The following EN1 variants were observed in gnomAD, a reference collection of about 807,000 sequenced individuals.
EN1 encodes the protein homeobox protein engrailed-1.
A neutral mutation model predicts 22.9 loss-of-function variants in EN1; 8 were observed. The observed-to-expected ratio is 0.35, with a 90% CI of 0.20 to 0.63. The LOEUF (loss-of-function observed/expected upper bound fraction) is 0.63, where lower values mean the gene tolerates loss of function less well. EN1 is among the 20% of genes least tolerant of loss of function. The pLI, the probability that EN1 is intolerant of heterozygous loss-of-function variation, is 0.73. For missense variants in EN1, 521 were observed against 572.1 expected (o/e 0.91, Z 0.91); for synonymous variants, 287 against 262.5 (o/e 1.09, Z -0.90).
At position 118,846,708 on chromosome 2, in the gene EN1, C is replaced by G. The variant is rs747324353; in HGVS notation, c.460G>C (p.Asp154His). The part of the protein sequence containing the change: ...RDRGQTAAGR[D>H]PVHPLGTRAP... ...CGGGTGCCCAACGGGTGGACAGGGT[C>G]TCTACCTGCGGCAGTCTGGCCTCTG... is the stretch of plus-strand genomic sequence containing the variant. The change falls in exon 1 of 2, where the codon GAC (aspartate) becomes CAC (histidine). Residue 154 changes from aspartate to histidine, a missense_variant. Transcript: ENST00000295206. This position sits in a 1 kb window ranked among gnomAD's most constrained non-coding sequence, Gnocchi z 5.0. 1.3e-6 allele frequency: 2 copies of G among 1,591,306 alleles called. No individual in the cohort carries two copies. Among genetic ancestry groups the G allele is most frequent in the South Asian group, 1.1e-5 (1 of 89,604 alleles).
rs1353779175 is a variant in EN1, at chr2:118,846,682, C to T, written c.486G>A (p.Arg162=). ...GRDPVHPLGT[R]APGAASLLCA... ...ACAGGAGCGAGGCAGCGCCTGGCGC[C>T]CGGGTGCCCAACGGGTGGACAGGGT... Residue 162 remains arginine (R), a synonymous_variant, in exon 1 of 2, where the codon CGG becomes CGA. Transcript: ENST00000295206. This position sits in a 1 kb window ranked among gnomAD's most constrained non-coding sequence, Gnocchi z 5.0. 6.3e-7 allele frequency: 1 copy of T among 1,582,362 alleles called. No homozygotes were observed. Among genetic ancestry groups the T allele is most frequent in the Non-Finnish European group, 8.5e-7 (1 of 1,173,130 alleles).
chr2:118,843,463 G>T (rs1678223761), intron 1 of EN1, among the ~76,000 whole-genome samples: 1 of 152,166 alleles, frequency 6.6e-6, no homozygotes, highest in African/African-American at 2.4e-5. Flanking sequence ...CCAGACCACT[G>T]GGGTCCCCGG....
rs1465851665 is a variant in EN1, at chr2:118,847,625, C to T, written c.-458G>A. On this transcript the variant is annotated 5_prime_UTR_variant, in exon 1 of 2. Transcript: ENST00000295206. ...GCAGTAGTGAGGGGTTTGACTTCCC[C>T]GAGTGTCACGCTCAGCTGTGCCCAG... 3.9e-5 allele frequency: 6 copies of T among 151,954 alleles called. No individual in the cohort carries two copies. Among genetic ancestry groups the T allele is most frequent in the Non-Finnish European group, 8.8e-5 (6 of 68,158 alleles). 9.4% of individuals were successfully genotyped at this position (151,954 alleles called of 1,614,324 possible).
At chr2:118,845,710 G>A (rs1332218840) in intron 1 of EN1, among the ~76,000 whole-genome samples, 1 of 152,152 alleles carries the variant, frequency 6.6e-6, no homozygotes, top group South Asian at 2.1e-4. Context: ...CTACCCACCC[G>A]GGTCAGACTC....
In EN1 at chr2:118,847,151, G is replaced by C. The variant is rs1308232237; in HGVS notation, c.17C>G (p.Pro6Arg). Residue 6 changes from proline to arginine, a missense_variant, in exon 1 of 2, where the codon CCG (proline) becomes CGG (arginine). By Grantham distance (103) the Pro-to-Arg change is moderately radical. This residue lies in a region of EN1 where 436 missense variants were observed against 410.1 expected (regional missense o/e 1.06). Transcript: ENST00000295206. MEEQQPEPKSQRDSAL... is the reference protein window; with the variant it reads MEEQQREPKSQRDSAL... ...CGAGTCGCGCTGACTTTTAGGTTCC[G>C]GCTGCTGTTCTTCCATGCTCGGCCG... 2 of 1,169,336 alleles carry C rather than the reference G, an allele frequency of 1.7e-6. No individual in the cohort carries two copies. The highest frequency in any genetic ancestry group is 1.2e-6 in the Non-Finnish European group (1 of 863,036). 72.4% of individuals were successfully genotyped at this position (1,169,336 alleles called of 1,614,324 possible).
Position 118,847,085 on chromosome 2 carries a change from C to A in EN1, c.83G>T (p.Ser28Ile). Reference sequence around the variant, plus strand: ...GCTGGCGCCCGGACTGAGGCTCAGGCTGAGGCCGCCCGGAGTCGCCGCCGC... The same window carrying A: ...GCTGGCGCCCGGACTGAGGCTCAGGATGAGGCCGCCCGGAGTCGCCGCCGC... ...AAAAATPGGLSLSLSPGASGS... is the reference protein window; with the variant it reads ...AAAAATPGGLILSLSPGASGS... The change falls in exon 1 of 2, where the codon AGC becomes ATC. Residue 28 changes from serine (S) to isoleucine (I), a missense_variant. Around this residue, in one of 3 missense-constraint regions of EN1, gnomAD observed 436 missense variants for 410.1 expected, o/e 1.06. Transcript: ENST00000295206. 7.0e-7 allele frequency: 1 copy of A among 1,423,008 alleles called. No individual in the cohort carries two copies. Among genetic ancestry groups the A allele is most frequent in the Non-Finnish European group, 9.2e-7 (1 of 1,090,280 alleles). The allele number at this position is 1,423,008 out of a possible 1,614,324, so 88.1% of individuals were successfully genotyped here. A position where few individuals can be genotyped will look rare whatever the true frequency, so the allele number is the denominator to read the frequency against.
At chr2:118,845,924 G>C (rs894969602) in intron 1 of EN1, among the ~76,000 whole-genome samples, 2 of 152,234 alleles carry the variant, frequency 1.3e-5, no homozygotes, top group Non-Finnish European at 2.9e-5. Context: ...GATCAGGCTG[G>C]TGGGATTTCA....
Position 118,846,640 on chromosome 2 carries a change from G to T in EN1, c.528C>A (p.Asn176Lys), listed in dbSNP as rs777519101. 1.3e-6 allele frequency: 2 copies of T among 1,526,188 alleles called. No homozygotes were observed. Among genetic ancestry groups the T allele is most frequent in the East Asian group, 5.3e-5 (2 of 37,730 alleles). 94.5% of individuals were successfully genotyped at this position (1,526,188 alleles called of 1,614,324 possible). ...AASLLCAPDA[N>K]CGPPDGSQPA... is the part of the protein sequence containing the mutation. Reference sequence around the variant, plus strand: ...GCTGGGAGCCGTCGGGTGGGCCACAGTTCGCGTCCGGGGCGCACAGGAGCG... The same window carrying T: ...GCTGGGAGCCGTCGGGTGGGCCACATTTCGCGTCCGGGGCGCACAGGAGCG... The change falls in exon 1 of 2, where the codon AAC becomes AAA. Residue 176 changes from asparagine to lysine, a missense_variant. By Grantham distance (94) the Asn-to-Lys change is moderately conservative. Transcript: ENST00000295206. This position sits in a 1 kb window ranked among gnomAD's most constrained non-coding sequence, Gnocchi z 5.0.
chr2:118,842,911 C>G lies in EN1; in HGVS notation c.*27G>C. ...CGACGGCGGCGGTGCCGGGAGGGGG[C>G]GCGGGCGCGGCCCCGGCCTGTGGCG... is the stretch of plus-strand genomic sequence containing the variant. On this transcript the variant is annotated 3_prime_UTR_variant, in exon 2 of 2. Coordinates refer to ENST00000295206, the MANE Select transcript of EN1 (RefSeq NM_001426.4). 2 of 1,582,480 alleles carry G rather than the reference C, an allele frequency of 1.3e-6. No homozygotes were observed.
chr2:118,845,528 G>A (rs1039345092), intron 1 of EN1, among the ~76,000 whole-genome samples: 1 of 152,242 alleles, frequency 6.6e-6, no homozygotes, highest in Non-Finnish European at 1.5e-5. Flanking sequence ...GCGCGGGGAG[G>A]ATGCGGGAAC....
chr2:118,843,229 C>G lies in EN1; in HGVS notation c.888G>C (p.Lys296Asn). The G allele has an allele frequency of 7.1e-7, 1 of 1,418,400 alleles. No individual in the cohort carries two copies. The highest frequency in any genetic ancestry group is 9.3e-7 in the Non-Finnish European group (1 of 1,069,646). The allele number at this position is 1,418,400 out of a possible 1,614,324, so 87.9% of individuals were successfully genotyped here. The stretch of plus-strand genomic sequence containing the variant: ...GCTTGTCCTCCTTCTCGTTCTTCTT[C>G]TTCTTCAGCTTCCTGGTGCGCGGAC... ...SSGPRTRKLK[K>N]KKNEKEDKRP... The change falls in exon 2 of 2, where the codon AAG becomes AAC. Residue 296 changes from lysine (K) to asparagine (N), a missense_variant. This residue lies in a region of EN1 where 50 missense variants were observed against 121.8 expected (regional missense o/e 0.41). Coordinates refer to ENST00000295206, the MANE Select transcript of EN1 (RefSeq NM_001426.4).
chr2:118,844,595 C>A (rs1195027624), intron 1 of EN1, among the ~76,000 whole-genome samples: 1 of 152,228 alleles, frequency 6.6e-6, no homozygotes, highest in African/African-American at 2.4e-5. Context: ...CCCTGTCAGG[C>A]CTGTTCATCT....
chr2:118,846,550 C>G lies in EN1; in HGVS notation c.618G>C (p.Ala206=). 4 of 1,182,916 alleles carry G rather than the reference C, an allele frequency of 3.4e-6. No individual in the cohort carries two copies. Among genetic ancestry groups the G allele is most frequent in the Non-Finnish European group, 4.2e-6 (4 of 958,898 alleles). 73.3% of individuals were successfully genotyped at this position (1,182,916 alleles called of 1,614,324 possible). A position where few individuals can be genotyped will look rare whatever the true frequency, so the allele number is the denominator to read the frequency against. The change falls in exon 1 of 2, where the codon GCG becomes GCC. Residue 206 remains alanine (A), a synonymous_variant. Coordinates refer to ENST00000295206, the MANE Select transcript of EN1 (RefSeq NM_001426.4). The surrounding 1 kb of genome is among the most constrained non-coding windows in gnomAD (Gnocchi z 5.0). The stretch of plus-strand genomic sequence containing the variant: ...CCGCCGCCGCCGCCGCCACTGCCGC[C>G]GCGGCCGCCGCCGCCGCCGCAGCCG... ...GNPAAAAAAA[A]AAVAAAAAAA...
Position 118,846,694 on chromosome 2 carries a change from C to G in EN1, c.474G>C (p.Pro158=). The G allele has an allele frequency of 6.3e-7, 1 of 1,585,936 alleles. No individual in the cohort carries two copies. Residue 158 remains proline (P), a synonymous_variant, in exon 1 of 2, where the codon CCG becomes CCC. Transcript: ENST00000295206. This position sits in a 1 kb window ranked among gnomAD's most constrained non-coding sequence, Gnocchi z 5.0. ...CAGCGCCTGGCGCCCGGGTGCCCAA[C>G]GGGTGGACAGGGTCTCTACCTGCGG... The part of the protein sequence containing the change: ...QTAAGRDPVH[P]LGTRAPGAAS...
chr2:118,847,215 C>T lies in EN1; in HGVS notation c.-48G>A. 1.8e-6 allele frequency: 1 copy of T among 562,614 alleles called. No individual in the cohort carries two copies. The allele number at this position is 562,614 out of a possible 1,614,324, so 34.9% of individuals were successfully genotyped here. On this transcript the variant is annotated 5_prime_UTR_variant, in exon 1 of 2. It adds an upstream start codon to the 5' untranslated region. Transcript: ENST00000295206. ...GCCGCCGCGCCGGCCCCCGCCCCCA[C>T]CGCCTCGCTCCCCACCCCACTTTGC...
Position 118,846,290 on chromosome 2 carries a change from G to T in EN1, c.862+16C>A. The T allele has an allele frequency of 6.2e-7, 1 of 1,605,012 alleles. No individual in the cohort carries two copies. The highest frequency in any genetic ancestry group is 8.5e-7 in the Non-Finnish European group (1 of 1,176,146). ...GGGGCCAGAAGGCATGGCGCAGCCC[G>T]GAGTTGGGTACTCACCGGAGGATGG... is the stretch of plus-strand genomic sequence containing the variant. On this transcript the variant is annotated intron_variant, in intron 1 of 1. Coordinates refer to ENST00000295206, the MANE Select transcript of EN1 (RefSeq NM_001426.4). This position sits in a 1 kb window ranked among gnomAD's most constrained non-coding sequence, Gnocchi z 5.0.
rs1678264205 is a variant in EN1, at chr2:118,846,142, T to C, written c.862+164A>G. On this transcript the variant is annotated intron_variant, in intron 1 of 1. Coordinates refer to ENST00000295206, the MANE Select transcript of EN1 (RefSeq NM_001426.4). This position sits in a 1 kb window ranked among gnomAD's most constrained non-coding sequence, Gnocchi z 5.0. ...GGTGGCCGCAGAGGCCAGGATCGCA[T>C]AGCTGGATGAACATTCGGTTGTGAC... Among the ~76,000 whole-genome samples, 1 of 152,050 alleles carries C rather than the reference T, an allele frequency of 6.6e-6. No individual in the cohort carries two copies. The highest frequency in any genetic ancestry group is 6.5e-5 in the Admixed American group (1 of 15,274).
At position 118,842,675 on chromosome 2, in the gene EN1, A is replaced by G; in HGVS notation, c.*263T>C. The G allele has an allele frequency of 2.0e-6, 1 of 509,786 alleles. No homozygotes were observed. The highest frequency in any genetic ancestry group is 3.0e-5 in the South Asian group (1 of 33,414). The allele number at this position is 509,786 out of a possible 1,614,324, so 31.6% of individuals were successfully genotyped here. On this transcript the variant is annotated 3_prime_UTR_variant, in exon 2 of 2. Transcript: ENST00000295206. ...AGCGGTTTGGCTAGATAGAGCTTTA[A>G]GGAGTTCGCAGTTTCGTCCCTTATA...
At position 118,847,445 on chromosome 2, in the gene EN1, A is replaced by G. The variant is rs886871782; in HGVS notation, c.-278T>C. On this transcript the variant is annotated 5_prime_UTR_variant, in exon 1 of 2. Coordinates refer to ENST00000295206, the MANE Select transcript of EN1 (RefSeq NM_001426.4). The stretch of plus-strand genomic sequence containing the variant: ...ATTTCTTTTTTCTTTCTGCAACCAG[A>G]TTCAATGATTTGATTTAAATGGGGA... 3 of 307,214 alleles carry G rather than the reference A, an allele frequency of 9.8e-6. No homozygotes were observed. The highest frequency in any genetic ancestry group is 1.8e-5 in the Non-Finnish European group (3 of 168,978). The allele number at this position is 307,214 out of a possible 1,614,324, so 19.0% of individuals were successfully genotyped here. A position where few individuals can be genotyped will look rare whatever the true frequency, so the allele number is the denominator to read the frequency against.
Sources: gnomAD v4.1 joint callset for allele counts (sites outside exome capture counted in the v4.1 genomes callset) on GRCh38, gnomAD v4.1.1 for gene constraint, gnomAD v4.1.1 regional missense constraint, Gnocchi (gnomAD v3.1) non-coding constraint, MANE v1.5 for transcripts, NCBI Gene and HGNC (gene_info 2026-07-23, HGNC 2026-07-21) for gene names.